The following FKBP11 variants were observed in gnomAD, a reference collection of about 807,000 sequenced individuals.
FKBP11 encodes FKBP prolyl isomerase 11.
A neutral mutation model predicts 24.7 loss-of-function variants in FKBP11; 21 were observed. The ratio of observed to expected loss-of-function variants is 0.85; its 90% CI spans 0.60 to 1.23. The LOEUF (loss-of-function observed/expected upper bound fraction) is 1.23, where lower values mean the gene tolerates loss of function less well. Among genes scored for constraint, FKBP11 ranks in the 50% most tolerant of loss-of-function variants. The probability of loss-of-function intolerance (pLI) is 0.00; values close to 1 mark genes in which losing one functional copy is unlikely to be tolerated. For missense variants in FKBP11, 245 were observed against 248.7 expected (o/e 0.99, Z 0.10); for synonymous variants, 106 against 100.6 (o/e 1.05, Z -0.32).
At chr12:48,923,072 CG>C in intron 5 of FKBP11, 1 of 860,418 alleles carries the variant, frequency 1.2e-6, no homozygotes, top group South Asian at 1.7e-5. Flanking sequence ...TGCTTGAACC[CG>C]GGTGGCGGAG....
At chr12:48,935,726 G>A in the FKBP11 span, 6,459 of 152,258 alleles carry the variant, frequency 0.042, 206 homozygotes, top group Non-Finnish European at 0.061. Context: ...CTGCCCAGAC[G>A]TTTATCCTTC....
intron 5 of FKBP11, chr12:48,923,214 ATT>A (rs1939876374): frequency 1.6e-6 from 2 of 1,265,400 alleles, no homozygotes; most frequent in African/African-American, 1.5e-5. Flanking sequence ...CTAATAGAAC[ATT>A]TGTTAGAACT....
upstream of FKBP11, among the ~76,000 whole-genome samples, chr12:48,927,516 T>A (rs1939994307): frequency 6.6e-6 from 1 of 152,206 alleles, no homozygotes; most frequent in African/African-American, 2.4e-5. Flanking sequence ...CAAGATATTT[T>A]TTAAGTTAAA....
At chr12:48,932,233 A>ATATT in the FKBP11 span, among the ~76,000 whole-genome samples, 1 of 23,428 alleles carries the variant, frequency 4.3e-5, no homozygotes, top group African/African-American at 1.8e-4. Flanking sequence ...ATATTTATAT[A>ATATT]TATATATATA....
At chr12:48,923,168 C>T (rs982008700) in intron 5 of FKBP11, 66 of 1,086,926 alleles carry the variant, frequency 6.1e-5, no homozygotes, top group African/African-American at 2.5e-4. Context: ...AAAAGAATTA[C>T]GAGCCCAATA....
chr12:48,925,421 A>AG lies in FKBP11; in HGVS notation c.7dup (p.Leu3ProfsTer24). 1 of 1,569,196 alleles carries AG rather than the reference A, an allele frequency of 6.4e-7. No homozygotes were observed. Among genetic ancestry groups the AG allele is most frequent in the Non-Finnish European group, 8.6e-7 (1 of 1,158,260 alleles). ...ATGGAGCGGGAGGAGTGAGGGGCGC[A>AG]GGGTCATGACTGGGCGCGGGGCAGG... is the stretch of plus-strand genomic sequence containing the variant. On this transcript the variant is annotated frameshift_variant, in exon 1 of 6. Transcript: ENST00000550765. LOFTEE classifies it high-confidence loss of function.
At chr12:48,932,444 C>G in the FKBP11 span, among the ~76,000 whole-genome samples, 2 of 149,552 alleles carry the variant, frequency 1.3e-5, no homozygotes, top group African/African-American at 4.9e-5. Flanking sequence ...ATACATACCC[C>G]CAGCTGACTA....
At chr12:48,931,679 G>C in the FKBP11 span, 1 of 555,310 alleles carries the variant, frequency 1.8e-6, no homozygotes, top group South Asian at 2.3e-5. Context: ...ACCATGCCCA[G>C]CTTGATTAAA....
rs745763290 is a variant in FKBP11 at position 48,924,652 on chromosome 12, G to T, written c.196-4C>A. 5 of 1,613,150 alleles carry T rather than the reference G, an allele frequency of 3.1e-6. No homozygotes were observed. Among genetic ancestry groups the T allele is most frequent in the Non-Finnish European group, 4.2e-6 (5 of 1,179,408 alleles). ...TACGTCCATCTACCAAGCTTCCCTGGGGGGAGAGAGCATCAAGAGCATACA... is the reference window on the plus strand; with the variant it reads ...TACGTCCATCTACCAAGCTTCCCTGTGGGGAGAGAGCATCAAGAGCATACA... On this transcript the variant is annotated splice_region_variant and splice_polypyrimidine_tract_variant and intron_variant, in intron 2 of 5. Transcript: ENST00000550765.
intron 5 of FKBP11, chr12:48,922,860 C>T (rs924882426): frequency 3.9e-5 from 40 of 1,028,732 alleles, no homozygotes; most frequent in Non-Finnish European, 4.0e-5. Context: ...TAAGAATTAA[C>T]GAGCCCAGCC....
chr12:48,924,727 T>G lies in FKBP11; in HGVS notation c.196-79A>C, dbSNP rs1415457072. 8.2e-6 allele frequency: 13 copies of G among 1,582,484 alleles called. 1 individual carries two copies. Among genetic ancestry groups the G allele is most frequent in the South Asian group, 6.7e-5 (6 of 88,990 alleles). On this transcript the variant is annotated intron_variant, in intron 2 of 5. Transcript: ENST00000550765. ...GGCGCGCAACACACACCTGGACCGC[T>G]GGGCGGCGGCAGCCCCCTTAGTGCG...
chr12:48,938,431 C>A, the FKBP11 span: 1 of 453,844 alleles, frequency 2.2e-6, no homozygotes, highest in Non-Finnish European at 4.4e-6. Context: ...CCCCTCCCCG[C>A]TCCCCCCGGC....
chr12:48,924,904 T>C (rs1248197786), intron 2 of FKBP11, 142 bp downstream of exon 2: 21 of 1,440,006 alleles, frequency 1.5e-5, no homozygotes, highest in Middle Eastern at 2.5e-4. Flanking sequence ...GCAACGTCTC[T>C]CCCCTCGCCA....
chr12:48,932,255 ATATATATTTTTTTTTTT>A, the FKBP11 span, among the ~76,000 whole-genome samples: 19 of 37,594 alleles, frequency 5.1e-4, no homozygotes, highest in East Asian at 2.4e-3. Context: ...ATATATATAT[ATATATATTTTTTTTTTT>A]TTTTTTTTTT....
Position 48,922,089 on chromosome 12 carries a change from G to A in FKBP11, c.501C>T (p.Ala167=). 2.5e-6 allele frequency: 4 copies of A among 1,614,122 alleles called. No homozygotes were observed. The highest frequency in any genetic ancestry group is 3.4e-6 in the Non-Finnish European group (4 of 1,180,020). ...LPLVGMAMVP[A]LLGLIGYHLY... ...GGTGATACCCAATGAGGCCCAGGAG[G>A]GCTGGCACCATGGCCATCCCTACCA... is the stretch of plus-strand genomic sequence containing the variant. The change falls in exon 6 of 6, where the codon GCC becomes GCT. Residue 167 remains alanine (A), a synonymous_variant. Transcript: ENST00000550765.
At chr12:48,925,022 G>GCCCCCCCCAACCCCC in intron 2 of FKBP11, 24 bp downstream of exon 2, 1 of 818,436 alleles carries the variant, frequency 1.2e-6, no homozygotes, top group Non-Finnish European at 1.9e-6. Flanking sequence ...CCCAGGCCCC[G>GCCCCCCCCAACCCCC]CCCCGGCCCC....
upstream of FKBP11, chr12:48,931,380 G>A (rs1940048617): frequency 6.5e-7 from 1 of 1,531,012 alleles, no homozygotes; most frequent in South Asian, 1.2e-5. Context: ...AAATGGAAAG[G>A]GCAAAACTAT....
the FKBP11 span, among the ~76,000 whole-genome samples, chr12:48,932,261 ATTTTTTTTTTTTT>A: frequency 5.1e-3 from 154 of 30,438 alleles, 2 homozygotes; most frequent in East Asian, 0.019. Flanking sequence ...ATATATATAT[ATTTTTTTTTTTTT>A]TTTTTTTTTT....
intron 2 of FKBP11, 93 bp from the exon 3 acceptor site, chr12:48,924,741 C>CG: frequency 6.4e-7 from 1 of 1,565,924 alleles, no homozygotes. Context: ...CGGCGGCAGC[C>CG]CCCTTAGTGC....
Sources: allele counts gnomAD v4.1 joint callset (sites outside exome capture counted in the v4.1 genomes callset), GRCh38; gene constraint gnomAD v4.1.1; transcripts MANE v1.5; gene names NCBI Gene and HGNC (gene_info 2026-07-23, HGNC 2026-07-21).